The following BCCIP variants were observed in gnomAD, a reference collection of about 807,000 sequenced individuals.
BCCIP encodes BRCA2 and CDKN1A-interacting protein.
BCCIP carries 23 observed loss-of-function variants against 32.8 expected under a neutral mutation model. That is an observed-to-expected ratio of 0.70 (90% CI 0.51 to 0.99). BCCIP has a LOEUF of 0.99. Ranked by LOEUF, BCCIP falls within the 50% of genes least tolerant of loss-of-function variation. The pLI is 0.00. For synonymous variants in BCCIP, 144 were observed against 137.6 expected (o/e 1.05, Z -0.33); for missense variants, 378 against 379.8 (o/e 1.00, Z 0.04).
chr10:125,834,084 C>T (rs1854591768), intron 6 of BCCIP, 138 bp downstream of exon 6: 11 of 928,034 alleles, frequency 1.2e-5, no homozygotes, highest in Middle Eastern at 3.4e-4. Flanking sequence ...CCCACAGGAC[C>T]TAGCAGCTAA....
At chr10:125,849,969 C>G (rs768496314) in intron 7 of BCCIP, among the ~76,000 whole-genome samples, 6 of 151,944 alleles carry the variant, frequency 3.9e-5, no homozygotes, top group Non-Finnish European at 8.8e-5. Flanking sequence ...ACTGTAGAAT[C>G]TTTTGTTTCT....
At chr10:125,845,635 A>G (rs566407986), downstream of BCCIP, among the ~76,000 whole-genome samples, 1 of 152,314 alleles carries the variant, frequency 6.6e-6, no homozygotes, top group South Asian at 2.1e-4. Context: ...CAGAGAAGTA[A>G]GGCTGGATTT....
At chr10:125,842,563 G>A (rs1854912578) in exon 7 of BCCIP, 1 of 152,338 alleles carries the variant, frequency 6.6e-6, no homozygotes, top group African/African-American at 2.4e-5. Flanking sequence ...AGCAGGACCT[G>A]AAAGGATCAC....
At chr10:125,847,480 C>A (rs1425783847), downstream of BCCIP, among the ~76,000 whole-genome samples, 3 of 152,066 alleles carry the variant, frequency 2.0e-5, no homozygotes, top group Non-Finnish European at 4.4e-5. Flanking sequence ...TAGGGAAGAA[C>A]AAAAAGAGCT....
chr10:125,823,856 C>G, intron 1 of BCCIP, 134 bp downstream of exon 1: 1 of 1,308,852 alleles, frequency 7.6e-7, no homozygotes, highest in Non-Finnish European at 1.1e-6. Flanking sequence ...TAAGTTCTTT[C>G]TCAGGTTTCT....
exon 8 of BCCIP, chr10:125,853,391 T>C (rs1944117224): frequency 2.3e-6 from 1 of 443,776 alleles, no homozygotes; most frequent in Non-Finnish European, 4.0e-6. Context: ...TTTCAGAGTT[T>C]GAGATACCTT....
chr10:125,835,664 G>A (rs1253615206), intron 6 of BCCIP, among the ~76,000 whole-genome samples: 3 of 152,302 alleles, frequency 2.0e-5, no homozygotes, highest in South Asian at 2.1e-4. Flanking sequence ...GTGTATGGGT[G>A]TTTTAAGATG....
In BCCIP at chr10:125,823,668, A is replaced by G; in HGVS notation, c.111A>G (p.Glu37=). ...AAAAAGAAGTCGAAAATGAGGATGA[A>G]GACGATGATGACAGTGACAAGGAAA... ...EEEKEVENED[E]DDDDSDKEKD... Residue 37 remains glutamate, a synonymous_variant, in exon 1 of 7, where the codon GAA becomes GAG. Coordinates refer to ENST00000278100, the MANE Select transcript of BCCIP (RefSeq NM_078468.3). 6.2e-7 allele frequency: 1 copy of G among 1,614,142 alleles called. No homozygotes were observed.
chr10:125,840,217 A>G (rs952611856), downstream of BCCIP, among the ~76,000 whole-genome samples: 3 of 152,126 alleles, frequency 2.0e-5, no homozygotes, highest in Non-Finnish European at 4.4e-5. Context: ...CTGTCTGCAT[A>G]GCAGCTTCCA....
intron 1 of BCCIP, among the ~76,000 whole-genome samples, chr10:125,824,962 G>A (rs1854339862): frequency 6.6e-6 from 1 of 152,260 alleles, no homozygotes; most frequent in African/African-American, 2.4e-5. Context: ...CATGGATGCA[G>A]GATTAGAGGT....
intron 6 of BCCIP, among the ~76,000 whole-genome samples, chr10:125,835,104 G>A (rs1275323435): frequency 6.6e-6 from 1 of 151,804 alleles, no homozygotes; most frequent in Admixed American, 6.6e-5. Context: ...CTGCACTCCA[G>A]CCTGGGCGAC....
exon 7 of BCCIP, chr10:125,842,722 C>A: frequency 1.6e-6 from 1 of 637,146 alleles, no homozygotes; most frequent in Non-Finnish European, 2.0e-6. Flanking sequence ...AAATTAATCA[C>A]AACTGACCTG....
At chr10:125,843,587 G>A (rs533874820), downstream of BCCIP, among the ~76,000 whole-genome samples, 1 of 152,162 alleles carries the variant, frequency 6.6e-6, no homozygotes, top group Admixed American at 6.5e-5. Flanking sequence ...ACTCCAGCCT[G>A]GGCGACAGAG....
chr10:125,841,812 T>A (rs1220755949), exon 7 of BCCIP: 1 of 1,613,772 alleles, frequency 6.2e-7, no homozygotes, highest in Middle Eastern at 1.6e-4. Context: ...AAGATAGACT[T>A]CGAGAGTTGT....
intron 7 of BCCIP, chr10:125,852,669 G>A (rs766216612): frequency 2.5e-6 from 4 of 1,578,664 alleles, no homozygotes; most frequent in South Asian, 1.2e-5. Context: ...AGCATCATTA[G>A]CGTCAGATAA....
intron 6 of BCCIP, among the ~76,000 whole-genome samples, chr10:125,834,667 C>T (rs375177061): frequency 9.0e-4 from 136 of 151,816 alleles, no homozygotes; most frequent in African/African-American, 1.9e-3. Context: ...AAAAATTAGC[C>T]GGGCATGGTG....
chr10:125,825,628 G>A (rs1317098968), intron 1 of BCCIP: 1 of 152,188 alleles, frequency 6.6e-6, no homozygotes, highest in Admixed American at 6.5e-5. Flanking sequence ...TACATAGTCA[G>A]GGTGGCAAGG....
chr10:125,827,773 C>A, intron 3 of BCCIP, 135 bp downstream of exon 3: 1 of 596,208 alleles, frequency 1.7e-6, no homozygotes, highest in Middle Eastern at 4.4e-4. Context: ...AGTTCAAGAC[C>A]ATCCTGGGCA....
At chr10:125,830,959 G>GA (rs1217890522) in intron 4 of BCCIP, among the ~76,000 whole-genome samples, 2 of 152,168 alleles carry the variant, frequency 1.3e-5, no homozygotes, top group African/African-American at 2.4e-5. Context: ...GTGTAGTGGG[G>GA]ATATTCTCAG....
Sources: gnomAD v4.1 joint callset for allele counts (sites outside exome capture counted in the v4.1 genomes callset) on GRCh38, gnomAD v4.1.1 for gene constraint, MANE v1.5 for transcripts, NCBI Gene and HGNC (gene_info 2026-07-23, HGNC 2026-07-21) for gene names.